ZFYVE28: variants seen among roughly 807,000 people sequenced by gnomAD.
The protein encoded by ZFYVE28 is zinc finger FYVE-type containing 28, also known as lateral signaling target protein 2 homolog.
A neutral mutation model predicts 82.1 loss-of-function variants in ZFYVE28; 40 were observed. The observed-to-expected ratio is 0.49, with a 90% CI of 0.38 to 0.63. The LOEUF is 0.63. ZFYVE28 is among the 30% of genes least tolerant of loss of function. ZFYVE28 has a pLI of 0.00. For missense variants in ZFYVE28, 1,321 were observed against 1,242.1 expected (o/e 1.06, Z -0.96); for synonymous variants, 612 against 546.1 (o/e 1.12, Z -1.68).
At chr4:2,321,051 G>A (rs1448879754) in intron 6 of ZFYVE28, among the ~76,000 whole-genome samples, 4 of 152,024 alleles carry the variant, frequency 2.6e-5, no homozygotes, top group African/African-American at 4.8e-5. Flanking sequence ...CTCCTTGAGG[G>A]CACCCATCCC....
chr4:2,346,876 A>G (rs1723681228), intron 2 of ZFYVE28, among the ~76,000 whole-genome samples: 2 of 152,166 alleles, frequency 1.3e-5, no homozygotes, highest in Non-Finnish European at 2.9e-5. Context: ...AATGGGAATA[A>G]AGAAAAGATG....
intron 1 of ZFYVE28, among the ~76,000 whole-genome samples, chr4:2,377,090 T>C (rs552983351): frequency 5.9e-5 from 9 of 151,714 alleles, no homozygotes; most frequent in South Asian, 2.1e-4. Flanking sequence ...GGCGCGATCT[T>C]GGCTCACTGC....
intron 7 of ZFYVE28, chr4:2,316,348 G>C (rs1399020261): frequency 1.3e-5 from 2 of 152,300 alleles, no homozygotes; most frequent in East Asian, 3.8e-4. Flanking sequence ...GCAACCTGGT[G>C]GTTCCCTGCT....
intron 10 of ZFYVE28, 78 bp from the exon 11 acceptor site, chr4:2,271,857 A>C: frequency 7.3e-7 from 1 of 1,367,524 alleles, no homozygotes; most frequent in Non-Finnish European, 1.0e-6. Flanking sequence ...CTTGCTGGGC[A>C]CAGCTGGGGG....
Position 2,320,052 on chromosome 4 carries a change from C to G in ZFYVE28, c.803+118G>C. The G allele has an allele frequency of 1.1e-6, 1 of 939,272 alleles. No individual in the cohort carries two copies. Among genetic ancestry groups the G allele is most frequent in the South Asian group, 1.6e-5 (1 of 64,050 alleles). The allele number at this position is 939,272 out of a possible 1,614,324, so 58.2% of individuals were successfully genotyped here. On this transcript the variant is annotated intron_variant, in intron 7 of 12. Transcript: ENST00000290974. The surrounding 1 kb of genome is among the most constrained non-coding windows in gnomAD (Gnocchi z 5.1). ...CCTCCCTAGGGAATATTAACCAGCC[C>G]ATCCTTCCTCACAGAGAGGAGGAGG...
intron 7 of ZFYVE28, among the ~76,000 whole-genome samples, chr4:2,309,634 C>T (rs4974674): frequency 0.51 from 78,156 of 152,016 alleles, 20,639 homozygotes; most frequent in Middle Eastern, 0.56. Flanking sequence ...AATTTTCCTT[C>T]TATTTTTGCC....
intron 1 of ZFYVE28, among the ~76,000 whole-genome samples, chr4:2,377,388 G>A (rs932791272): frequency 3.9e-5 from 6 of 152,286 alleles, no homozygotes; most frequent in South Asian, 2.1e-4. Context: ...AGCTAAACTC[G>A]CTGACATTTT....
In ZFYVE28 at chr4:2,305,293, G is replaced by A. The variant is rs200671727; in HGVS notation, c.1047C>T (p.Val349=). The part of the protein sequence containing the change: ...DQELEQLSRM[V]HRAGDEMSSL... ...AGGACATCTCGTCCCCCGCCCTGTGGACCATGCGGCTGAGCTGCTCCAGCT... is the reference window on the plus strand; with the variant it reads ...AGGACATCTCGTCCCCCGCCCTGTGAACCATGCGGCTGAGCTGCTCCAGCT... The change falls in exon 8 of 13, where the codon GTC becomes GTT. Residue 349 remains valine (V), a synonymous_variant. Coordinates refer to ENST00000290974, the MANE Select transcript of ZFYVE28 (RefSeq NM_020972.3). The A allele has an allele frequency of 3.1e-6, 5 of 1,613,168 alleles. No individual in the cohort carries two copies. The highest frequency in any genetic ancestry group is 4.2e-6 in the Non-Finnish European group (5 of 1,180,012).
rs1450136556 is a variant in ZFYVE28 at position 2,270,252 on chromosome 4, A to T, written c.*473T>A. 1 of 169,876 alleles carries T rather than the reference A, an allele frequency of 5.9e-6. No homozygotes were observed. The highest frequency in any genetic ancestry group is 1.3e-5 in the Non-Finnish European group (1 of 78,700). 10.5% of individuals were successfully genotyped at this position (169,876 alleles called of 1,614,324 possible). On this transcript the variant is annotated 3_prime_UTR_variant, in exon 13 of 13. Coordinates refer to ENST00000290974, the MANE Select transcript of ZFYVE28 (RefSeq NM_020972.3). ...TGGGCAGCTGATGGGGAGAATGGGTAGCCTGCATTTGACGTTTGGGAGGCA... is the reference window on the plus strand; with the variant it reads ...TGGGCAGCTGATGGGGAGAATGGGTTGCCTGCATTTGACGTTTGGGAGGCA...
chr4:2,361,410 G>A (rs775822538), intron 1 of ZFYVE28, among the ~76,000 whole-genome samples: 6 of 152,172 alleles, frequency 3.9e-5, no homozygotes, highest in Non-Finnish European at 8.8e-5. Context: ...GCACGTGCAG[G>A]GAGAGAGACG....
chr4:2,273,206 G>C lies in ZFYVE28; in HGVS notation c.2290C>G (p.Pro764Ala), dbSNP rs755228554. Reference sequence around the variant, plus strand: ...AACTTTTCCTTGTCGTCTGTTTCAGGCTTGGTGGCCATGACCTCAAACAGT... The same window carrying C: ...AACTTTTCCTTGTCGTCTGTTTCAGCCTTGGTGGCCATGACCTCAAACAGT... ...KTLFEVMATK[P>A]ETDDKEKLRK... Residue 764 changes from proline to alanine, a missense_variant, in exon 10 of 13, where the codon CCT (proline) becomes GCT (alanine). Physicochemically the swap from Pro to Ala is conservative, Grantham distance 27. Transcript: ENST00000290974. 1 of 1,613,932 alleles carries C rather than the reference G, an allele frequency of 6.2e-7. No individual in the cohort carries two copies. Among genetic ancestry groups the C allele is most frequent in the Non-Finnish European group, 8.5e-7 (1 of 1,179,906 alleles).
chr4:2,344,836 C>T (rs997530517), intron 2 of ZFYVE28, among the ~76,000 whole-genome samples: 20 of 151,758 alleles, frequency 1.3e-4, no homozygotes, highest in East Asian at 1.9e-4. Context: ...GTGGAGATTG[C>T]GGTGAGCTGA....
At chr4:2,330,494 C>G (rs1398396240) in intron 6 of ZFYVE28, 5 of 1,090,854 alleles carry the variant, frequency 4.6e-6, no homozygotes, top group Non-Finnish European at 3.4e-6. Flanking sequence ...GAGGAGGGGA[C>G]AGTGCAGAGG....
chr4:2,358,599 T>C (rs1053146344), intron 1 of ZFYVE28, among the ~76,000 whole-genome samples: 12 of 152,178 alleles, frequency 7.9e-5, no homozygotes, highest in African/African-American at 2.9e-4. Flanking sequence ...TGGTCTCCCA[T>C]GGAGCTGAGG....
At chr4:2,273,489 T>C (rs1736102243) in intron 9 of ZFYVE28, among the ~76,000 whole-genome samples, 200 bp from the exon 10 acceptor site, 1 of 151,956 alleles carries the variant, frequency 6.6e-6, no homozygotes, top group African/African-American at 2.4e-5. Context: ...TCGAGAGAGA[T>C]CAGGGGAAGG....
At chr4:2,271,056 G>C (rs1735861514) in intron 12 of ZFYVE28, 200 bp from the exon 13 acceptor site, 2 of 815,048 alleles carry the variant, frequency 2.5e-6, no homozygotes, top group Non-Finnish European at 3.8e-6. Flanking sequence ...GCTGCTGCAG[G>C]CTCCTGTTCA....
intron 1 of ZFYVE28, among the ~76,000 whole-genome samples, chr4:2,387,171 G>T (rs949974966): frequency 1.3e-5 from 2 of 152,174 alleles, no homozygotes; most frequent in Admixed American, 6.5e-5. Flanking sequence ...CCCGGAGCTC[G>T]CCACCAGCGG....
chr4:2,324,805 T>C (rs1719630334), intron 6 of ZFYVE28: 1 of 153,940 alleles, frequency 6.5e-6, no homozygotes, highest in East Asian at 1.8e-4. Context: ...AGAAAAACTT[T>C]AGGGAAAAAG....
intron 1 of ZFYVE28, among the ~76,000 whole-genome samples, chr4:2,406,062 A>AAAAAAAGAAAGAAAG: frequency 8.0e-6 from 1 of 125,082 alleles, no homozygotes; most frequent in African/African-American, 3.3e-5. Flanking sequence ...AAAAAAAAAA[A>AAAAAAAGAAAGAAAG]AAAGAAAGAA....
Sources: allele counts gnomAD v4.1 joint callset (sites outside exome capture counted in the v4.1 genomes callset), GRCh38; gene constraint gnomAD v4.1.1; non-coding constraint Gnocchi (gnomAD v3.1); transcripts MANE v1.5; gene names NCBI Gene and HGNC (gene_info 2026-07-23, HGNC 2026-07-21).